MARK3: variants seen among roughly 807,000 people sequenced by gnomAD.
The protein encoded by MARK3 is MAP/microtubule affinity-regulating kinase 3.
MARK3 carries 46 observed loss-of-function variants against 90.1 expected under a neutral mutation model. The ratio of observed to expected loss-of-function variants is 0.51; its 90% CI spans 0.40 to 0.65. MARK3 has a LOEUF of 0.65. Ranked by LOEUF, MARK3 falls within the 30% of genes least tolerant of loss-of-function variation. MARK3 has a pLI of 0.00. For missense variants in MARK3, 818 were observed against 947.2 expected (o/e 0.86, Z 1.79); for synonymous variants, 321 against 332.6 (o/e 0.97, Z 0.38).
rs1403748810 is a variant in MARK3, at chr14:103,457,216, T to C, written c.483+4T>C. 1 of 1,586,304 alleles carries C rather than the reference T, an allele frequency of 6.3e-7. No homozygotes were observed. The highest frequency in any genetic ancestry group is 1.7e-5 in the Admixed American group (1 of 59,922). On this transcript the variant is annotated splice_donor_region_variant and intron_variant, in intron 6 of 17. Coordinates refer to ENST00000429436, the MANE Select transcript of MARK3 (RefSeq NM_001128918.3). ...AGCAAGATCTAAATTTAGACAGGTA[T>C]GAATTAATGTGTCTTTACTATGTCA... is the stretch of plus-strand genomic sequence containing the variant.
intron 3 of MARK3, among the ~76,000 whole-genome samples, chr14:103,433,007 A>G (rs62007686): frequency 0.26 from 39,221 of 151,940 alleles, 6,280 homozygotes; most frequent in Middle Eastern, 0.44. Flanking sequence ...GTTACTTCAC[A>G]CTACATTTTT....
intron 12 of MARK3, among the ~76,000 whole-genome samples, chr14:103,470,966 G>C (rs754327498): frequency 3.9e-5 from 6 of 152,144 alleles, no homozygotes; most frequent in Non-Finnish European, 7.3e-5. Context: ...AATATCACTA[G>C]TAAACCATCT....
intron 1 of MARK3, among the ~76,000 whole-genome samples, chr14:103,403,522 A>G (rs560069381): frequency 9.9e-5 from 15 of 152,160 alleles, no homozygotes; most frequent in Non-Finnish European, 1.9e-4. Flanking sequence ...GCAGTTTTGT[A>G]CCAACTGCTG....
intron 14 of MARK3, among the ~76,000 whole-genome samples, chr14:103,485,061 T>TAAAAAAAAAAAAAAAA (rs2093899933): frequency 4.4e-5 from 1 of 22,622 alleles, no homozygotes. Context: ...CTACTAAAAA[T>TAAAAAAAAAAAAAAAA]ACAAAAAAAA....
Position 103,385,911 on chromosome 14 carries a change from G to T in MARK3, c.-119G>T. On this transcript the variant is annotated 5_prime_UTR_variant, in exon 1 of 18. Coordinates refer to ENST00000429436, the MANE Select transcript of MARK3 (RefSeq NM_001128918.3). ...AGACGGCCGTAGGGGGAAGGGAGCC[G>T]CCCTCCCCACGGCGCCTTTTCGGAA... 1 of 785,280 alleles carries T rather than the reference G, an allele frequency of 1.3e-6. No homozygotes were observed. The highest frequency in any genetic ancestry group is 2.2e-6 in the Non-Finnish European group (1 of 445,474). The allele number at this position is 785,280 out of a possible 1,614,324, so 48.6% of individuals were successfully genotyped here.
chr14:103,484,270 C>G (rs746973583), intron 14 of MARK3, among the ~76,000 whole-genome samples: 4 of 152,104 alleles, frequency 2.6e-5, no homozygotes, highest in South Asian at 2.1e-4. Flanking sequence ...CTCCATCTCC[C>G]GGGTTCATGC....
chr14:103,469,408 G>C (rs1322976970), intron 12 of MARK3: 1 of 151,936 alleles, frequency 6.6e-6, no homozygotes, highest in Non-Finnish European at 1.5e-5. Context: ...TCTTGAACTT[G>C]GGAGCTCAAG....
At position 103,465,976 on chromosome 14, in the gene MARK3, T is replaced by TGA; in HGVS notation, c.792_793dup (p.Val265GlufsTer3). 1 of 1,612,480 alleles carries TGA rather than the reference T, an allele frequency of 6.2e-7. No individual in the cohort carries two copies. Among genetic ancestry groups the TGA allele is most frequent in the African/African-American group, 1.3e-5 (1 of 74,940 alleles). On this transcript the variant is annotated frameshift_variant, in exon 9 of 18. Transcript: ENST00000429436. LOFTEE classifies it high-confidence loss of function. ...TTCCTCTGTACCTCTCCAAAGGAAC[T>TGA]GAGAGAGAGAGTATTAAGAGGGAAA...
At chr14:103,427,064 T>C (rs575999029) in intron 2 of MARK3, among the ~76,000 whole-genome samples, 1 of 152,212 alleles carries the variant, frequency 6.6e-6, no homozygotes, top group South Asian at 2.1e-4. Flanking sequence ...TCTCTCTCTC[T>C]CTTTTTTTCT....
chr14:103,497,440 A>G (rs2075410691), intron 15 of MARK3, among the ~76,000 whole-genome samples: 1 of 152,238 alleles, frequency 6.6e-6, no homozygotes, highest in African/African-American at 2.4e-5. Flanking sequence ...AGCTGATCGC[A>G]TTGATCATAA....
chr14:103,474,861 T>C, intron 12 of MARK3, 132 bp from the exon 13 acceptor site: 1 of 656,748 alleles, frequency 1.5e-6, no homozygotes, highest in African/African-American at 1.8e-5. Flanking sequence ...GGGAAACATC[T>C]TAGAGGATTT....
At chr14:103,501,291 A>C (rs967771649) in intron 17 of MARK3, among the ~76,000 whole-genome samples, 1 of 152,140 alleles carries the variant, frequency 6.6e-6, no homozygotes, top group Non-Finnish European at 1.5e-5. Context: ...AGGCCTACCC[A>C]TCCCAGCCAG....
chr14:103,416,229 C>A (rs193057275), intron 2 of MARK3, among the ~76,000 whole-genome samples: 163 of 152,240 alleles, frequency 1.1e-3, no homozygotes, highest in African/African-American at 3.8e-3. Context: ...AAGAGAGAAT[C>A]GGTGAGTATA....
chr14:103,444,393 A>G (rs1303408530), intron 3 of MARK3, among the ~76,000 whole-genome samples: 1 of 152,192 alleles, frequency 6.6e-6, no homozygotes, highest in Non-Finnish European at 1.5e-5. Flanking sequence ...AATTCTTTCA[A>G]TTTATACGTT....
In MARK3 at chr14:103,466,423, C is replaced by T; in HGVS notation, c.978C>T (p.Ile326=). 1 of 1,612,446 alleles carries T rather than the reference C, an allele frequency of 6.2e-7. No homozygotes were observed. Among genetic ancestry groups the T allele is most frequent in the Non-Finnish European group, 8.5e-7 (1 of 1,178,720 alleles). Residue 326 remains isoleucine, a synonymous_variant, in exon 10 of 18, where the codon ATC becomes ATT. Transcript: ENST00000429436. ...LKPFVEPELD[I]SDQKRIDIMV... ...CATTTGTTGAACCAGAGCTAGACAT[C>T]TCAGACCAAAAAAGAATAGGTAATC...
chr14:103,472,302 G>T (rs2093640225), intron 12 of MARK3, among the ~76,000 whole-genome samples: 1 of 151,634 alleles, frequency 6.6e-6, no homozygotes, highest in Admixed American at 6.6e-5. Context: ...TGGTGAAGGT[G>T]TTTCTGTCAC....
intron 1 of MARK3, among the ~76,000 whole-genome samples, chr14:103,403,325 GTTGT>G (rs1392766321): frequency 1.1e-5 from 1 of 91,226 alleles, no homozygotes; most frequent in Non-Finnish European, 2.1e-5. Flanking sequence ...ATAGTGCCTG[GTTGT>G]GTGTGTGTGT....
rs1035156412 is a variant in MARK3, at chr14:103,385,744, G to A, written c.-286G>A. On this transcript the variant is annotated 5_prime_UTR_variant, in exon 1 of 18. Transcript: ENST00000429436. ...GGGCGCCCTGAGGCAAGGGGACGCCGGCGGGCCGAAGCGCAGCCCGCCGCC... is the reference window on the plus strand; with the variant it reads ...GGGCGCCCTGAGGCAAGGGGACGCCAGCGGGCCGAAGCGCAGCCCGCCGCC... The A allele has an allele frequency of 5.8e-6, 2 of 347,644 alleles. No homozygotes were observed. The highest frequency in any genetic ancestry group is 4.9e-5 in the Admixed American group (1 of 20,438). 21.5% of individuals were successfully genotyped at this position (347,644 alleles called of 1,614,324 possible).
At chr14:103,386,827 C>T (rs1351537262) in intron 1 of MARK3, among the ~76,000 whole-genome samples, 2 of 152,210 alleles carry the variant, frequency 1.3e-5, no homozygotes, top group Non-Finnish European at 2.9e-5. Flanking sequence ...AGGTCCCTTT[C>T]AGCGCTCACA....
Sources: allele counts gnomAD v4.1 joint callset (sites outside exome capture counted in the v4.1 genomes callset), GRCh38; gene constraint gnomAD v4.1.1; transcripts MANE v1.5; gene names NCBI Gene and HGNC (gene_info 2026-07-23, HGNC 2026-07-21).